The following SKAP1 variants were observed in gnomAD, a reference collection of about 807,000 sequenced individuals.
SKAP1 encodes src kinase associated phosphoprotein 1.
Under a neutral mutation model 58.5 loss-of-function variants are expected in SKAP1, and 44 were observed. The ratio of observed to expected loss-of-function variants is 0.75; its 90% CI spans 0.59 to 0.97. The LOEUF (loss-of-function observed/expected upper bound fraction) is 0.97. Ranked by LOEUF, SKAP1 falls within the 50% of genes least tolerant of loss-of-function variation. The pLI is 0.00. For synonymous variants in SKAP1, 127 were observed against 149.7 expected, an observed-to-expected ratio of 0.85 and a Z score of 1.11; for missense variants, 390 against 435.2, an observed-to-expected ratio of 0.90 and a Z score of 0.92.
Position 48,430,136 on chromosome 17 carries a change from AGAGGCGGGACGG to A in SKAP1, c.-28_-17del. 1 of 1,256,888 alleles carries A rather than the reference AGAGGCGGGACGG, an allele frequency of 8.0e-7. No individual in the cohort carries two copies. The highest frequency in any genetic ancestry group is 1.0e-6 in the Non-Finnish European group (1 of 993,274). The allele number at this position is 1,256,888 out of a possible 1,614,324, so 77.9% of individuals were successfully genotyped here. A position where few individuals can be genotyped will look rare whatever the true frequency, so the allele number is the denominator to read the frequency against. ...CGGCCTGCATTTGGCTGGGCGGGAGAGAGGCGGGACGGGGCGCGGGCCCTGGTCGGGAGGCGG... is the reference window on the plus strand; with the variant it reads ...CGGCCTGCATTTGGCTGGGCGGGAGAGGCGCGGGCCCTGGTCGGGAGGCGG... On this transcript the variant is annotated 5_prime_UTR_variant, in exon 1 of 13. Transcript: ENST00000336915.
At chr17:48,264,398 G>C (rs1223549532) in intron 4 of SKAP1, among the ~76,000 whole-genome samples, 1 of 152,080 alleles carries the variant, frequency 6.6e-6, no homozygotes, top group East Asian at 1.9e-4. Flanking sequence ...TAATTCCCAG[G>C]CCACATTACT....
intron 4 of SKAP1, among the ~76,000 whole-genome samples, chr17:48,256,175 A>ATGTGTGTG (rs35261737): frequency 1.6e-4 from 24 of 149,862 alleles, no homozygotes; most frequent in African/African-American, 5.6e-4. Context: ...GTTTACCAAA[A>ATGTGTGTG]TGTGTGTGTG....
intron 4 of SKAP1, among the ~76,000 whole-genome samples, chr17:48,206,456 TA>T (rs1263949819): frequency 6.6e-6 from 1 of 151,848 alleles, no homozygotes; most frequent in African/African-American, 2.4e-5. Context: ...CCCCTTGGTA[TA>T]AAAAATAAAG....
intron 7 of SKAP1, 138 bp downstream of exon 7, chr17:48,184,585 G>A: frequency 9.2e-7 from 1 of 1,086,522 alleles, no homozygotes; most frequent in Non-Finnish European, 1.4e-6. Flanking sequence ...GACATGCCAA[G>A]AAATAGGGTC....
chr17:48,169,814 A>G (rs1026514617), intron 10 of SKAP1, among the ~76,000 whole-genome samples: 2 of 152,076 alleles, frequency 1.3e-5, no homozygotes, highest in African/African-American at 4.8e-5. Flanking sequence ...AAAGAGGGCA[A>G]GAATTCCTAG....
intron 11 of SKAP1, among the ~76,000 whole-genome samples, chr17:48,141,203 TC>T (rs1307439591): frequency 1.3e-5 from 2 of 152,140 alleles, no homozygotes; most frequent in Admixed American, 1.3e-4. Flanking sequence ...CATGTAGCTA[TC>T]GTCTCACGTG....
At chr17:48,182,480 A>G in intron 7 of SKAP1, 23 bp from the exon 8 acceptor site, 2 of 1,544,884 alleles carry the variant, frequency 1.3e-6, no homozygotes, top group Non-Finnish European at 1.8e-6. Context: ...CAGTGAATTA[A>G]TTTATCACTG....
At chr17:48,361,045 G>T (rs917078145) in intron 3 of SKAP1, among the ~76,000 whole-genome samples, 1 of 150,874 alleles carries the variant, frequency 6.6e-6, no homozygotes, top group African/African-American at 2.4e-5. Flanking sequence ...AAATTAGATA[G>T]TGGTGATGGT....
At chr17:48,259,573 T>A (rs1385395525) in intron 4 of SKAP1, among the ~76,000 whole-genome samples, 1 of 152,192 alleles carries the variant, frequency 6.6e-6, no homozygotes, top group Non-Finnish European at 1.5e-5. Flanking sequence ...TATAGCAATG[T>A]AATTCGAATA....
intron 4 of SKAP1, among the ~76,000 whole-genome samples, chr17:48,293,790 C>T (rs1009736884): frequency 1.3e-5 from 2 of 152,260 alleles, no homozygotes; most frequent in Non-Finnish European, 2.9e-5. Context: ...TCACCTTTGT[C>T]GGATGAACAG....
At chr17:48,327,821 G>A (rs1437763631) in intron 4 of SKAP1, among the ~76,000 whole-genome samples, 1 of 152,036 alleles carries the variant, frequency 6.6e-6, no homozygotes, top group Admixed American at 6.6e-5. Flanking sequence ...TTTCAGAGAC[G>A]GGGTTTTGCC....
chr17:48,274,609 T>C (rs937704455), intron 4 of SKAP1, among the ~76,000 whole-genome samples: 9 of 151,754 alleles, frequency 5.9e-5, no homozygotes, highest in Non-Finnish European at 8.8e-5. Context: ...GGCAGAAGAA[T>C]CGCTTGAACC....
intron 4 of SKAP1, among the ~76,000 whole-genome samples, chr17:48,299,508 G>A (rs901761919): frequency 5.3e-5 from 8 of 152,122 alleles, no homozygotes; most frequent in African/African-American, 1.9e-4. Flanking sequence ...GTATAGAACA[G>A]GAGACTACTA....
intron 4 of SKAP1, among the ~76,000 whole-genome samples, chr17:48,245,621 GC>G (rs1348230995): frequency 6.6e-6 from 1 of 152,168 alleles, no homozygotes; most frequent in African/African-American, 2.4e-5. Context: ...CACTTTACTA[GC>G]TGTGTGACTT....
chr17:48,171,428 T>C (rs1201685010), intron 9 of SKAP1, among the ~76,000 whole-genome samples: 2 of 152,188 alleles, frequency 1.3e-5, no homozygotes, highest in East Asian at 1.9e-4. Context: ...TTAAAAAAAA[T>C]ATTAATTTGT....
At chr17:48,189,281 T>A in intron 5 of SKAP1, 142 bp downstream of exon 5, 1 of 642,046 alleles carries the variant, frequency 1.6e-6, no homozygotes, top group Non-Finnish European at 2.7e-6. Flanking sequence ...CCAGACTCCT[T>A]TCCTTTCCTT....
At chr17:48,193,794 G>C (rs2064584523) in intron 4 of SKAP1, 1 of 901,448 alleles carries the variant, frequency 1.1e-6, no homozygotes, top group South Asian at 5.1e-5. Context: ...GAACAGATCT[G>C]CAGAGAACTA....
rs2064144982 is a variant in SKAP1 at position 48,166,662 on chromosome 17, G to A, written c.877+3947C>T. 2.0e-5 allele frequency among the ~76,000 whole-genome samples: 3 copies of A among 152,144 alleles called. No individual in the cohort carries two copies. In the South Asian group the frequency reaches 6.2e-4, roughly 32 times the overall value. ...AAAATGATCGTGTCAATAAGGCCTGGCATTGAGTACAACCTCTTAAGTTAT... is the reference window on the plus strand; with the variant it reads ...AAAATGATCGTGTCAATAAGGCCTGACATTGAGTACAACCTCTTAAGTTAT... On this transcript the variant is annotated intron_variant, in intron 10 of 12. Transcript: ENST00000336915.
chr17:48,242,726 A>G (rs898251339), intron 4 of SKAP1, among the ~76,000 whole-genome samples: 1 of 152,166 alleles, frequency 6.6e-6, no homozygotes, highest in African/African-American at 2.4e-5. Flanking sequence ...TGTGGTTTGA[A>G]CCTTTGTTAA....
Sources: allele counts gnomAD v4.1 joint callset (sites outside exome capture counted in the v4.1 genomes callset), GRCh38; gene constraint gnomAD v4.1.1; transcripts MANE v1.5; gene names NCBI Gene and HGNC (gene_info 2026-07-23, HGNC 2026-07-21).